Variants in FBXO16 observed in about 807,000 individuals in gnomAD.
FBXO16 encodes the protein F-box only protein 16.
In FBXO16, 31 loss-of-function variants were observed where a neutral mutation model predicts 41.0. The ratio of observed to expected loss-of-function variants is 0.76; its 90% CI spans 0.57 to 1.02. FBXO16 has a LOEUF of 1.02. FBXO16 is among the 50% of genes least tolerant of loss of function. The pLI is 0.00. For missense variants in FBXO16, 361 were observed against 346.2 expected (o/e 1.04, Z -0.34); for synonymous variants, 133 against 117.8 (o/e 1.13, Z -0.84).
rs1241689493 is a variant in FBXO16, at chr8:28,483,561, G to A, written c.-16-99C>T. On this transcript the variant is annotated intron_variant, in intron 1 of 8. Transcript: ENST00000380254. ...CAGCCAGGCACGATGGCTCACGCCT[G>A]TAATTCCAGCACTTTGGGAGGCTGA... is the stretch of plus-strand genomic sequence containing the variant. 8 of 799,602 alleles carry A rather than the reference G, an allele frequency of 1.0e-5. 1 individual carries two copies. Among genetic ancestry groups the A allele is most frequent in the African/African-American group, 8.6e-5 (5 of 57,822 alleles). The allele number at this position is 799,602 out of a possible 1,614,324, so 49.5% of individuals were successfully genotyped here.
Position 28,465,448 on chromosome 8 carries a change from G to C in FBXO16, c.136-1630C>G, listed in dbSNP as rs114340212. On this transcript the variant is annotated intron_variant, in intron 3 of 8. Coordinates refer to ENST00000380254, the MANE Select transcript of FBXO16 (RefSeq NM_172366.4). The stretch of plus-strand genomic sequence containing the variant: ...AACCAGCCCGAGCAACACCCCATCT[G>C]CACAAAAAAATAAAAAGTTAGCTGG... 2.3e-3 allele frequency: 1,045 copies of C among 449,176 alleles called. 10 individuals carry two copies. The highest frequency in any genetic ancestry group is 0.019 in the African/African-American group (916 of 49,476). The allele number at this position is 449,176 out of a possible 1,614,324, so 27.8% of individuals were successfully genotyped here.
At chr8:28,435,816 G>A (rs1802679363) in intron 7 of FBXO16, among the ~76,000 whole-genome samples, 1 of 152,186 alleles carries the variant, frequency 6.6e-6, no homozygotes, top group Non-Finnish European at 1.5e-5. Context: ...TTGACTTGTA[G>A]CGTGGCTTTC....
chr8:28,477,638 T>C (rs1803443749), intron 2 of FBXO16, among the ~76,000 whole-genome samples: 1 of 152,248 alleles, frequency 6.6e-6, no homozygotes, highest in South Asian at 2.1e-4. Flanking sequence ...GAAACATTGC[T>C]GCATTGTATG....
At chr8:28,468,521 C>T (rs989565119) in intron 3 of FBXO16, among the ~76,000 whole-genome samples, 4 of 152,066 alleles carry the variant, frequency 2.6e-5, no homozygotes, top group African/African-American at 7.2e-5. Context: ...AGTGTAAATA[C>T]GTTTTTGTCT....
At chr8:28,488,346 G>A (rs1803636223) in intron 1 of FBXO16, among the ~76,000 whole-genome samples, 2 of 142,094 alleles carry the variant, frequency 1.4e-5, no homozygotes, top group South Asian at 4.5e-4. Flanking sequence ...ACTCAGGCTG[G>A]AGGGCAGTGG....
At chr8:28,458,144 C>T (rs1044560285) in intron 4 of FBXO16, among the ~76,000 whole-genome samples, 2 of 152,182 alleles carry the variant, frequency 1.3e-5, no homozygotes, top group Admixed American at 6.5e-5. Context: ...GCCCCCTCAC[C>T]CCCAAAAGGG....
In FBXO16 at chr8:28,429,454, T is replaced by G. The variant is rs180892051; in HGVS notation, c.844-51A>C. 34 of 1,606,696 alleles carry G rather than the reference T, an allele frequency of 2.1e-5. No homozygotes were observed. The Admixed American group carries it at 2.3e-4, about 11-fold the overall frequency. On this transcript the variant is annotated intron_variant, in intron 7 of 8. Transcript: ENST00000380254. ...GAATGGAGAGAGGAAAAGAAAGAAA[T>G]AATCCGAGCTGAGCTTGAAGGGAGA...
chr8:28,481,616 C>T (rs113909287), intron 2 of FBXO16, among the ~76,000 whole-genome samples: 3,240 of 152,034 alleles, frequency 0.021, 41 homozygotes, highest in African/African-American at 0.035. Context: ...TCGAGACCAT[C>T]CTGGCCAACA....
At chr8:28,462,310 G>A (rs1288577252) in intron 4 of FBXO16, among the ~76,000 whole-genome samples, 12 of 139,224 alleles carry the variant, frequency 8.6e-5, no homozygotes, top group African/African-American at 1.4e-4. Context: ...ACGGCGTCTC[G>A]CTCTGTCGCT....
intron 3 of FBXO16, among the ~76,000 whole-genome samples, chr8:28,467,027 G>C (rs1171001169): frequency 1.3e-5 from 2 of 152,012 alleles, no homozygotes; most frequent in African/African-American, 4.8e-5. Flanking sequence ...CTACAGCCTC[G>C]ATCTCCTGGG....
chr8:28,473,700 T>G (rs1435511121), intron 3 of FBXO16, 72 bp downstream of exon 3: 1 of 1,357,480 alleles, frequency 7.4e-7, no homozygotes, highest in Non-Finnish European at 1.0e-6. Context: ...CAGTCTGATT[T>G]TTTAATAGCA....
intron 2 of FBXO16, among the ~76,000 whole-genome samples, chr8:28,475,435 T>C (rs1585918116): frequency 6.6e-6 from 1 of 152,272 alleles, no homozygotes; most frequent in East Asian, 1.9e-4. Context: ...ACCAGGACCC[T>C]CAAATAATGG....
At chr8:28,447,019 G>C (rs1244736539) in intron 7 of FBXO16, 152 bp downstream of exon 7, 1 of 621,938 alleles carries the variant, frequency 1.6e-6, no homozygotes, top group African/African-American at 1.8e-5. Flanking sequence ...TCAAGGTCAT[G>C]GCTTCTCTGC....
At chr8:28,460,423 A>ATTTTTTTTTTTTTTTTTTTTT (rs1174276709) in intron 4 of FBXO16, among the ~76,000 whole-genome samples, 1 of 82,514 alleles carries the variant, frequency 1.2e-5, no homozygotes, top group African/African-American at 6.3e-5. Flanking sequence ...TACCTGGCTA[A>ATTTTTTTTTTTTTTTTTTTTT]TTTTTTTTTT....
intron 1 of FBXO16, among the ~76,000 whole-genome samples, chr8:28,488,049 C>T (rs1803630618): frequency 6.6e-6 from 1 of 151,864 alleles, no homozygotes; most frequent in South Asian, 2.1e-4. Flanking sequence ...GATGGGGTTT[C>T]ACTATGTTGG....
At chr8:28,481,947 G>C (rs1266553982) in intron 2 of FBXO16, among the ~76,000 whole-genome samples, 1 of 152,176 alleles carries the variant, frequency 6.6e-6, no homozygotes, top group Non-Finnish European at 1.5e-5. Flanking sequence ...CTGACTTACT[G>C]CTTACTATGA....
intron 3 of FBXO16, among the ~76,000 whole-genome samples, 177 bp from the exon 4 acceptor site, chr8:28,463,995 T>A (rs1278307889): frequency 6.6e-6 from 1 of 152,242 alleles, no homozygotes; most frequent in Non-Finnish European, 1.5e-5. Context: ...CACATTTATA[T>A]GGGAGCATGT....
intron 3 of FBXO16, among the ~76,000 whole-genome samples, chr8:28,467,357 C>G (rs750523890): frequency 6.6e-6 from 1 of 152,052 alleles, no homozygotes; most frequent in African/African-American, 2.4e-5. Flanking sequence ...TGTCTCACTC[C>G]CAATATTCTA....
At chr8:28,467,345 G>C (rs1451512738) in intron 3 of FBXO16, among the ~76,000 whole-genome samples, 2 of 152,128 alleles carry the variant, frequency 1.3e-5, no homozygotes, top group East Asian at 1.9e-4. Context: ...AAGACAATTT[G>C]ATGTCTCACT....
Sources: gnomAD v4.1 joint callset for allele counts (sites outside exome capture counted in the v4.1 genomes callset) on GRCh38, gnomAD v4.1.1 for gene constraint, MANE v1.5 for transcripts, NCBI Gene and HGNC (gene_info 2026-07-23, HGNC 2026-07-21) for gene names.